The following BPIFB4 variants were observed in gnomAD, a reference collection of about 807,000 sequenced individuals.
BPIFB4 encodes the protein BPI fold-containing family B member 4.
A neutral mutation model predicts 69.2 loss-of-function variants in BPIFB4; 62 were observed. The observed-to-expected ratio is 0.90, with a 90% CI of 0.73 to 1.11. The LOEUF is 1.11. Ranked by LOEUF, BPIFB4 falls within the 50% of genes least tolerant of loss-of-function variation. The pLI, the probability that BPIFB4 is intolerant of heterozygous loss-of-function variation, is 0.00. For missense variants in BPIFB4, 789 were observed against 792.0 expected (o/e 1.00, Z 0.04); for synonymous variants, 330 against 332.7 (o/e 0.99, Z 0.09).
intron 15 of BPIFB4, 31 bp downstream of exon 15, chr20:33,103,045 ATCT>A: frequency 1.2e-6 from 2 of 1,606,320 alleles, no homozygotes. Context: ...CCAGGGCAAG[ATCT>A]TCTGGGAAGG....
rs1982242243 is a variant in BPIFB4 at position 33,111,637 on chromosome 20, A to G, written c.*200A>G. 3.2e-6 allele frequency: 2 copies of G among 623,030 alleles called. No individual in the cohort carries two copies. Among genetic ancestry groups the G allele is most frequent in the South Asian group, 2.2e-5 (1 of 45,710 alleles). The allele number at this position is 623,030 out of a possible 1,614,324, so 38.6% of individuals were successfully genotyped here. On this transcript the variant is annotated 3_prime_UTR_variant, in exon 18 of 18. Coordinates refer to ENST00000375483, the MANE Select transcript of BPIFB4 (RefSeq NM_182519.3). ...ACCCTGTTGGCAAACATTCCCTTCC[A>G]TGGTCAGCCTGCCAGGAGGAGGGGA...
At chr20:33,100,542 TGGA>T in intron 14 of BPIFB4, 49 bp downstream of exon 14, 1 of 1,524,662 alleles carries the variant, frequency 6.6e-7, no homozygotes, top group Non-Finnish European at 9.1e-7. Flanking sequence ...GTGCTGCTCA[TGGA>T]GGAGCCACCA....
At position 33,092,491 on chromosome 20, in the gene BPIFB4, G is replaced by A. The variant is rs1038188451; in HGVS notation, c.1177G>A (p.Asp393Asn). The part of the protein sequence containing the change: ...LVGEAGGGLI[D>N]YPLGWPAVSP... ...TGGGGAGGCTGGAGGAGGACTCATC[G>A]ACTACCCATTGGGGTGGCCAGCTGT... is the stretch of plus-strand genomic sequence containing the variant. Residue 393 changes from aspartate to asparagine, a missense_variant, in exon 11 of 18, where the codon GAC becomes AAC. By Grantham distance (23) the Asp-to-Asn change is conservative. Transcript: ENST00000375483. The A allele has an allele frequency of 3.1e-6, 5 of 1,613,814 alleles. No individual in the cohort carries two copies. In the Admixed American group the frequency reaches 5.0e-5, roughly 16 times the overall value.
intron 9 of BPIFB4, among the ~76,000 whole-genome samples, chr20:33,090,396 T>C (rs1981563611): frequency 1.3e-5 from 2 of 152,208 alleles, no homozygotes; most frequent in Non-Finnish European, 2.9e-5. Context: ...TGCACAGCAC[T>C]TCACAGTTTA....
At chr20:33,108,840 TG>T (rs970564757) in intron 17 of BPIFB4, among the ~76,000 whole-genome samples, 2 of 152,230 alleles carry the variant, frequency 1.3e-5, no homozygotes, top group African/African-American at 4.8e-5. Context: ...AACTGTTTCT[TG>T]ATTCTAGATT....
intron 16 of BPIFB4, among the ~76,000 whole-genome samples, chr20:33,106,822 G>A (rs532526299): frequency 6.6e-6 from 1 of 152,194 alleles, no homozygotes; most frequent in Admixed American, 6.5e-5. Flanking sequence ...AACAGTCTCA[G>A]AGAGGGCTCA....
intron 14 of BPIFB4, among the ~76,000 whole-genome samples, chr20:33,101,134 T>A (rs1455944144): frequency 6.6e-6 from 1 of 152,184 alleles, no homozygotes; most frequent in Non-Finnish European, 1.5e-5. Flanking sequence ...TCTATGTACT[T>A]GAAGTGTACG....
intron 15 of BPIFB4, among the ~76,000 whole-genome samples, chr20:33,104,004 C>G (rs1981976554): frequency 1.3e-5 from 2 of 152,020 alleles, no homozygotes. Flanking sequence ...TCCTTACCAC[C>G]GTGTTATGAT....
At chr20:33,107,333 G>A (rs1159899466) in intron 16 of BPIFB4, among the ~76,000 whole-genome samples, 1 of 152,132 alleles carries the variant, frequency 6.6e-6, no homozygotes, top group Non-Finnish European at 1.5e-5. Flanking sequence ...GCTCACACCT[G>A]TAATCTCAGT....
chr20:33,085,955 G>A, intron 6 of BPIFB4, 66 bp from the exon 7 acceptor site: 2 of 1,537,338 alleles, frequency 1.3e-6, no homozygotes, highest in South Asian at 2.3e-5. Flanking sequence ...GACAGGCCTG[G>A]GTAAGGGTGA....
chr20:33,082,186 A>T (rs1981250771), intron 3 of BPIFB4, among the ~76,000 whole-genome samples: 1 of 152,172 alleles, frequency 6.6e-6, no homozygotes, highest in Admixed American at 6.5e-5. Flanking sequence ...GGCTATCATG[A>T]GCATAAAAAA....
intron 2 of BPIFB4, among the ~76,000 whole-genome samples, 152 bp downstream of exon 2, chr20:33,080,728 T>C (rs1981202985): frequency 6.6e-6 from 1 of 152,166 alleles, no homozygotes; most frequent in African/African-American, 2.4e-5. Context: ...GATGAATGCA[T>C]TGATGAGTAG....
intron 3 of BPIFB4, among the ~76,000 whole-genome samples, chr20:33,081,886 T>C (rs1981243310): frequency 2.0e-5 from 3 of 152,370 alleles, no homozygotes; most frequent in African/African-American, 7.2e-5. Flanking sequence ...TTAAGAGCCC[T>C]GGATCAGCCT....
In BPIFB4 at chr20:33,103,068, C is replaced by T. The variant is rs148770209; in HGVS notation, c.1680+54C>T. ...AGATCTTCTGGGAAGGAGCCCAGGA[C>T]GTGTCTTCCGGGAATGGTGTTCCTG... On this transcript the variant is annotated intron_variant, in intron 15 of 17. Coordinates refer to ENST00000375483, the MANE Select transcript of BPIFB4 (RefSeq NM_182519.3). 431 of 1,570,940 alleles carry T rather than the reference C, an allele frequency of 2.7e-4. 2 individuals carry two copies. The African/African-American group carries it at 5.2e-3, about 19-fold the overall frequency.
chr20:33,107,702 T>G, intron 16 of BPIFB4, 42 bp from the exon 17 acceptor site: 1 of 1,498,300 alleles, frequency 6.7e-7, no homozygotes, highest in Non-Finnish European at 9.3e-7. Context: ...GACCAACACC[T>G]CTTGGACCAC....
chr20:33,103,034 C>T lies in BPIFB4; in HGVS notation c.1680+20C>T. On this transcript the variant is annotated intron_variant, in intron 15 of 17. Transcript: ENST00000375483. ...TTTGATGTAAGTACCATGTTTAGTT[C>T]CCAGGGCAAGATCTTCTGGGAAGGA... The T allele has an allele frequency of 6.2e-7, 1 of 1,611,684 alleles. No individual in the cohort carries two copies. Among genetic ancestry groups the T allele is most frequent in the African/African-American group, 1.3e-5 (1 of 74,968 alleles).
At position 33,103,028 on chromosome 20, in the gene BPIFB4, T is replaced by G. The variant is rs745664578; in HGVS notation, c.1680+14T>G. The G allele has an allele frequency of 2.5e-6, 4 of 1,612,956 alleles. No homozygotes were observed. The highest frequency in any genetic ancestry group is 3.4e-6 in the Non-Finnish European group (4 of 1,179,078). ...GGCAACTTTGATGTAAGTACCATGT[T>G]TAGTTCCCAGGGCAAGATCTTCTGG... On this transcript the variant is annotated intron_variant, in intron 15 of 17. Transcript: ENST00000375483.
At chr20:33,095,451 A>G (rs999166140) in intron 12 of BPIFB4, among the ~76,000 whole-genome samples, 4 of 152,204 alleles carry the variant, frequency 2.6e-5, no homozygotes, top group African/African-American at 9.7e-5. Flanking sequence ...GAGTCTTAAC[A>G]TCTCTGAGCC....
chr20:33,090,840 T>G, intron 10 of BPIFB4, 41 bp downstream of exon 10: 1 of 1,610,070 alleles, frequency 6.2e-7, no homozygotes, highest in Non-Finnish European at 8.5e-7. Flanking sequence ...GTGGCCCTCC[T>G]CCCAAAGGCA....
Sources: gnomAD v4.1 joint callset for allele counts (sites outside exome capture counted in the v4.1 genomes callset) on GRCh38, gnomAD v4.1.1 for gene constraint, MANE v1.5 for transcripts, NCBI Gene and HGNC (gene_info 2026-07-23, HGNC 2026-07-21) for gene names.